Variants in ARHGAP26 observed in about 807,000 individuals in gnomAD.
ARHGAP26 encodes the protein rho GTPase-activating protein 26.
ARHGAP26 carries 38 observed loss-of-function variants against 104.8 expected under a neutral mutation model. The observed-to-expected ratio is 0.36, with a 90% CI of 0.28 to 0.48. The LOEUF (loss-of-function observed/expected upper bound fraction) is 0.48, where lower values mean the gene tolerates loss of function less well. Ranked by LOEUF, ARHGAP26 falls within the 20% of genes least tolerant of loss-of-function variation. ARHGAP26 has a pLI of 0.99. For synonymous variants in ARHGAP26, 341 were observed against 340.0 expected, an observed-to-expected ratio of 1.00 and a Z score of -0.03; for missense variants, 704 against 947.9, an observed-to-expected ratio of 0.74 and a Z score of 3.38.
chr5:142,999,295 C>T (rs1776868104), intron 11 of ARHGAP26, among the ~76,000 whole-genome samples: 2 of 152,096 alleles, frequency 1.3e-5, no homozygotes, highest in Admixed American at 6.5e-5. Flanking sequence ...AAATTAGCCT[C>T]GAGCATATAG....
At chr5:142,946,458 G>C (rs957298785) in intron 11 of ARHGAP26, 3 of 151,812 alleles carry the variant, frequency 2.0e-5, no homozygotes, top group Non-Finnish European at 4.4e-5. Flanking sequence ...TTTTTTCTTT[G>C]TGGGAAATGC....
intron 1 of ARHGAP26, among the ~76,000 whole-genome samples, chr5:142,866,258 A>G (rs1449466784): frequency 6.6e-6 from 1 of 152,184 alleles, no homozygotes; most frequent in Non-Finnish European, 1.5e-5. Flanking sequence ...TTGATACCAG[A>G]TTCTCAAATA....
At chr5:142,966,790 G>GGTAT (rs1289635155) in intron 11 of ARHGAP26, among the ~76,000 whole-genome samples, 1 of 152,136 alleles carries the variant, frequency 6.6e-6, no homozygotes, top group Non-Finnish European at 1.5e-5. Context: ...TTGTTACATA[G>GGTAT]GTATACATGT....
intron 12 of ARHGAP26, among the ~76,000 whole-genome samples, chr5:143,033,617 CT>C (rs1782196933): frequency 6.6e-6 from 1 of 152,096 alleles, no homozygotes; most frequent in African/African-American, 2.4e-5. Flanking sequence ...TTTTTCAAAA[CT>C]TTTATCGATG....
intron 1 of ARHGAP26, among the ~76,000 whole-genome samples, chr5:142,811,447 G>A (rs904534822): frequency 2.0e-5 from 3 of 152,152 alleles, no homozygotes; most frequent in African/African-American, 7.2e-5. Context: ...TCTGGACGCC[G>A]ACAGCATGGC....
chr5:142,907,246 G>C (rs1291263091), intron 8 of ARHGAP26: 2 of 152,414 alleles, frequency 1.3e-5, no homozygotes, highest in East Asian at 3.8e-4. Flanking sequence ...TCTGTGCACA[G>C]AGTCACAGAG....
chr5:142,989,573 A>G (rs1278482359), intron 11 of ARHGAP26, among the ~76,000 whole-genome samples: 3 of 152,194 alleles, frequency 2.0e-5, no homozygotes, highest in Non-Finnish European at 4.4e-5. Flanking sequence ...CCTAGCATCA[A>G]TGGTCTTTAC....
At chr5:142,787,079 T>C (rs1758824536) in intron 1 of ARHGAP26, among the ~76,000 whole-genome samples, 1 of 152,188 alleles carries the variant, frequency 6.6e-6, no homozygotes, top group South Asian at 2.1e-4. Context: ...CCCTTTCCTG[T>C]TATACTTCCT....
intron 11 of ARHGAP26, among the ~76,000 whole-genome samples, chr5:142,980,245 T>C (rs1773723385): frequency 6.6e-6 from 1 of 152,218 alleles, no homozygotes; most frequent in South Asian, 2.1e-4. Flanking sequence ...TTCTGATTGT[T>C]GTAGAAAGCA....
chr5:143,214,109 C>A (rs944545413), intron 22 of ARHGAP26, 21 bp downstream of exon 22: 3 of 1,030,992 alleles, frequency 2.9e-6, no homozygotes, highest in Admixed American at 2.3e-5. Flanking sequence ...CATCCCCTCA[C>A]AAAGATATGG....
At chr5:142,884,073 A>C (rs1315017702) in intron 4 of ARHGAP26, among the ~76,000 whole-genome samples, 1 of 152,248 alleles carries the variant, frequency 6.6e-6, no homozygotes, top group Non-Finnish European at 1.5e-5. Context: ...TTCAGGCTCC[A>C]CATGAGTCAA....
At chr5:142,854,102 C>T (rs981494863) in intron 1 of ARHGAP26, among the ~76,000 whole-genome samples, 2 of 152,140 alleles carry the variant, frequency 1.3e-5, no homozygotes, top group African/African-American at 4.8e-5. Context: ...AAAAGCTTGT[C>T]ACACAAAAAA....
intron 10 of ARHGAP26, chr5:142,915,651 C>G (rs1200223661): frequency 1.3e-5 from 2 of 152,444 alleles, no homozygotes; most frequent in African/African-American, 4.8e-5. Context: ...TGAGCCGCCA[C>G]GCCTGGCCTG....
chr5:143,178,069 T>C (rs1272511641), intron 20 of ARHGAP26, among the ~76,000 whole-genome samples: 5 of 147,890 alleles, frequency 3.4e-5, no homozygotes, highest in Admixed American at 1.4e-4. Flanking sequence ...GTGTAATCTC[T>C]GTTCACTACA....
chr5:142,993,882 A>G (rs958382787), intron 11 of ARHGAP26, among the ~76,000 whole-genome samples: 1 of 150,734 alleles, frequency 6.6e-6, no homozygotes, highest in Non-Finnish European at 1.5e-5. Flanking sequence ...TGTTGCCCAG[A>G]TCAGTCTCAA....
At chr5:142,843,745 C>G (rs1420694344) in intron 1 of ARHGAP26, among the ~76,000 whole-genome samples, 1 of 152,170 alleles carries the variant, frequency 6.6e-6, no homozygotes, top group East Asian at 1.9e-4. Context: ...TCTAACCAAT[C>G]TCTCATAACC....
intron 1 of ARHGAP26, among the ~76,000 whole-genome samples, chr5:142,773,394 G>A (rs1214235656): frequency 2.0e-5 from 3 of 151,888 alleles, no homozygotes; most frequent in Non-Finnish European, 4.4e-5. Flanking sequence ...CTAGCTCTTT[G>A]GATTTAACTT....
chr5:143,217,802 T>C (rs1810566043), intron 22 of ARHGAP26, among the ~76,000 whole-genome samples: 1 of 152,248 alleles, frequency 6.6e-6, no homozygotes. Flanking sequence ...ATCTTGTCAC[T>C]GGCTTCCACT....
At chr5:142,801,568 C>T (rs1451622206) in intron 1 of ARHGAP26, among the ~76,000 whole-genome samples, 1 of 150,878 alleles carries the variant, frequency 6.6e-6, no homozygotes, top group Non-Finnish European at 1.5e-5. Context: ...GAATCCCTGG[C>T]ATATTTTCAA....
Sources: allele counts gnomAD v4.1 joint callset (sites outside exome capture counted in the v4.1 genomes callset), GRCh38; gene constraint gnomAD v4.1.1; transcripts MANE v1.5; gene names NCBI Gene and HGNC (gene_info 2026-07-23, HGNC 2026-07-21).